APOBEC1: variants seen among roughly 807,000 people sequenced by gnomAD.
The protein encoded by APOBEC1 is apolipoprotein B mRNA editing enzyme catalytic subunit 1.
APOBEC1 carries 22 observed loss-of-function variants against 26.3 expected under a neutral mutation model. That is an observed-to-expected ratio of 0.84 (90% CI 0.60 to 1.19). The LOEUF (loss-of-function observed/expected upper bound fraction) is 1.19. Among genes scored for constraint, APOBEC1 ranks in the 50% most tolerant of loss-of-function variants. APOBEC1 has a pLI of 0.00. For synonymous variants in APOBEC1, 77 were observed against 95.3 expected (o/e 0.81, Z 1.12); for missense variants, 253 against 289.0 (o/e 0.88, Z 0.90).
At chr12:7,660,077 G>A (rs2136850403) in intron 1 of APOBEC1, among the ~76,000 whole-genome samples, 1 of 152,198 alleles carries the variant, frequency 6.6e-6, no homozygotes, top group South Asian at 2.1e-4. Context: ...GGCTGAGGCG[G>A]GTGGTTCACA....
At chr12:7,653,852 T>C (rs1863679695) in intron 2 of APOBEC1, among the ~76,000 whole-genome samples, 1 of 152,220 alleles carries the variant, frequency 6.6e-6, no homozygotes, top group Non-Finnish European at 1.5e-5. Flanking sequence ...TTGCTCTCAG[T>C]GGTGTCTTTA....
chr12:7,652,722 C>T lies in APOBEC1; in HGVS notation c.158G>A (p.Ser53Asn), dbSNP rs1308441880. 3 of 1,614,062 alleles carry T rather than the reference C, an allele frequency of 1.9e-6. No individual in the cohort carries two copies. Among genetic ancestry groups the T allele is most frequent in the Non-Finnish European group, 2.5e-6 (3 of 1,180,024 alleles). ...GTGATTGGTGGTGTTTTTGCCTGAGCTTCGCCAGATCTTCCGGCTCATGCC... is the reference window on the plus strand; with the variant it reads ...GTGATTGGTGGTGTTTTTGCCTGAGTTTCGCCAGATCTTCCGGCTCATGCC... ...KWGMSRKIWR[S>N]SGKNTTNHVE... Residue 53 changes from serine (S) to asparagine (N), a missense_variant, in exon 3 of 5, where the codon AGC becomes AAC. Coordinates refer to ENST00000229304, the MANE Select transcript of APOBEC1 (RefSeq NM_001644.5).
chr12:7,661,912 C>T (rs1201051237), intron 1 of APOBEC1, among the ~76,000 whole-genome samples: 1 of 152,160 alleles, frequency 6.6e-6, no homozygotes, highest in African/African-American at 2.4e-5. Flanking sequence ...ATGCACAGGG[C>T]TTCAGGGAGT....
intron 1 of APOBEC1, among the ~76,000 whole-genome samples, chr12:7,660,336 G>A (rs771440537): frequency 1.9e-4 from 6 of 31,286 alleles, no homozygotes; most frequent in South Asian, 1.1e-3. Context: ...GGAAGGAAGG[G>A]AAGGAAGGAA....
intron 1 of APOBEC1, among the ~76,000 whole-genome samples, chr12:7,662,084 A>C (rs1863827668): frequency 2.8e-5 from 1 of 35,386 alleles, no homozygotes; most frequent in Non-Finnish European, 3.0e-4. Flanking sequence ...GTCTCTAAAA[A>C]CAAAACAAAA....
chr12:7,660,375 G>GGAAAGAAAGAAAGAAAGAAAGAAAGAAA (rs1555094885), intron 1 of APOBEC1, among the ~76,000 whole-genome samples: 20 of 23,958 alleles, frequency 8.3e-4, no homozygotes, highest in African/African-American at 2.5e-3. Context: ...AAGGAAGGAA[G>GGAAAGAAAGAAAGAAAGAAAGAAAGAAA]GAAAGAAAGA....
Position 7,652,668 on chromosome 12 carries a change from G to A in APOBEC1, c.212C>T (p.Thr71Met), listed in dbSNP as rs745537786. 9 of 1,614,058 alleles carry A rather than the reference G, an allele frequency of 5.6e-6. No individual in the cohort carries two copies. Among genetic ancestry groups the A allele is most frequent in the East Asian group, 2.2e-5 (1 of 44,882 alleles). The change falls in exon 3 of 5, where the codon ACG becomes ATG. Residue 71 changes from threonine (T) to methionine (M), a missense_variant. Transcript: ENST00000229304. ...HVEVNFIKKF[T>M]SERDFHPSMS... The stretch of plus-strand genomic sequence containing the variant: ...GGATGGGTGAAAATCTCTTTCTGAC[G>A]TAAATTTTTTTATAAAATTAACTTC...
chr12:7,657,759 C>G (rs1863736617), intron 1 of APOBEC1, among the ~76,000 whole-genome samples: 1 of 151,894 alleles, frequency 6.6e-6, no homozygotes, highest in African/African-American at 2.4e-5. Flanking sequence ...GCCTGTAGTC[C>G]CAGCTACTAG....
chr12:7,658,959 A>G (rs367701133), intron 1 of APOBEC1, among the ~76,000 whole-genome samples: 2 of 9,170 alleles, frequency 2.2e-4, no homozygotes, highest in African/African-American at 3.0e-4. Flanking sequence ...ATGTCAAAAG[A>G]AAAAAAAAAA....
At chr12:7,658,608 A>G (rs1372325565) in intron 1 of APOBEC1, among the ~76,000 whole-genome samples, 2 of 152,184 alleles carry the variant, frequency 1.3e-5, no homozygotes, top group Non-Finnish European at 2.9e-5. Flanking sequence ...GGCTCATGAC[A>G]ATAAAATTGA....
intron 2 of APOBEC1, 119 bp from the exon 3 acceptor site, chr12:7,652,954 G>C (rs1233417484): frequency 1.1e-6 from 1 of 898,646 alleles, no homozygotes; most frequent in Non-Finnish European, 1.5e-6. Context: ...TTTTAAGATG[G>C]AGTCTCACAC....
intron 3 of APOBEC1, among the ~76,000 whole-genome samples, chr12:7,651,495 T>C (rs1465067480): frequency 1.3e-5 from 2 of 151,252 alleles, no homozygotes; most frequent in Admixed American, 1.3e-4. Context: ...GCGCCTGTAG[T>C]CCCAGCTACT....
At chr12:7,669,375 G>A (rs891160876), upstream of APOBEC1, among the ~76,000 whole-genome samples, 1 of 151,972 alleles carries the variant, frequency 6.6e-6, no homozygotes, top group African/African-American at 2.4e-5. Flanking sequence ...GGTATGCTAC[G>A]ATTTGTATAT....
At chr12:7,662,690 G>T (rs1318801255) in intron 1 of APOBEC1, among the ~76,000 whole-genome samples, 1 of 152,162 alleles carries the variant, frequency 6.6e-6, no homozygotes, top group Non-Finnish European at 1.5e-5. Flanking sequence ...CTATAAAGAG[G>T]GACATTAAAG....
intron 1 of APOBEC1, among the ~76,000 whole-genome samples, chr12:7,659,544 G>T (rs866513930): frequency 1.9e-4 from 29 of 151,632 alleles, no homozygotes; most frequent in Admixed American, 3.3e-4. Flanking sequence ...GCACAGACAC[G>T]CATGCAAAAC....
intron 1 of APOBEC1, among the ~76,000 whole-genome samples, chr12:7,659,407 C>T (rs369604835): frequency 1.0e-4 from 13 of 127,628 alleles, no homozygotes; most frequent in African/African-American, 3.5e-4. Flanking sequence ...AAGGAACTAC[C>T]GGCAACCTGG....
upstream of APOBEC1, chr12:7,665,955 C>T: frequency 7.0e-7 from 1 of 1,421,290 alleles, no homozygotes; most frequent in Non-Finnish European, 1.0e-6. Context: ...GGTGTGCCCA[C>T]TGCCACCTGC....
chr12:7,650,461 A>G lies in APOBEC1; in HGVS notation c.561+562T>C, dbSNP rs754525682. On this transcript the variant is annotated intron_variant, in intron 4 of 4. Transcript: ENST00000229304. ...AATAAAATAAGAATAAAAATGATAA[A>G]ATGTAATTAATATGGGGACCACCCA... Among the ~76,000 whole-genome samples, 19 of 152,240 alleles carry G rather than the reference A, an allele frequency of 1.2e-4. No homozygotes were observed. In the East Asian group the frequency reaches 3.7e-3, roughly 29 times the overall value.
intron 3 of APOBEC1, 78 bp downstream of exon 3, chr12:7,652,360 C>G (rs899711736): frequency 7.4e-7 from 1 of 1,357,524 alleles, no homozygotes; most frequent in African/African-American, 1.5e-5. Context: ...CTGGGCTAAC[C>G]AATCTTCTGG....
Sources: gnomAD v4.1 joint callset for allele counts (sites outside exome capture counted in the v4.1 genomes callset) on GRCh38, gnomAD v4.1.1 for gene constraint, MANE v1.5 for transcripts, NCBI Gene and HGNC (gene_info 2026-07-23, HGNC 2026-07-21) for gene names.